MEI4: variants seen among roughly 807,000 people sequenced by gnomAD.
MEI4 encodes meiosis-specific protein MEI4.
A neutral mutation model predicts 31.4 loss-of-function variants in MEI4; 27 were observed. The observed-to-expected ratio is 0.86, with a 90% confidence interval of 0.63 to 1.19. MEI4 has a LOEUF of 1.19. MEI4 is among the 50% of genes most tolerant of loss of function. The probability of loss-of-function intolerance (pLI) is 0.00; values close to 1 mark genes in which losing one functional copy is unlikely to be tolerated. For missense variants in MEI4, 329 were observed against 398.9 expected, an observed-to-expected ratio of 0.82 and a Z score of 1.49; for synonymous variants, 122 against 145.4, an observed-to-expected ratio of 0.84 and a Z score of 1.16.
At chr6:77,861,477 C>A (rs1182243891) in intron 4 of MEI4, among the ~76,000 whole-genome samples, 1 of 152,008 alleles carries the variant, frequency 6.6e-6, no homozygotes, top group Non-Finnish European at 1.5e-5. Context: ...CTATTTATGT[C>A]AACATAGATT....
chr6:77,669,219 ATGTG>A (rs367921941), intron 1 of MEI4, among the ~76,000 whole-genome samples: 2 of 151,134 alleles, frequency 1.3e-5, no homozygotes, highest in African/African-American at 4.8e-5. Flanking sequence ...AAGAGGAAGC[ATGTG>A]TGTGTGTGTG....
intron 2 of MEI4, among the ~76,000 whole-genome samples, chr6:77,747,876 G>A (rs1582097378): frequency 6.6e-6 from 1 of 152,178 alleles, no homozygotes; most frequent in African/African-American, 2.4e-5. Flanking sequence ...TACAATGGGG[G>A]TACTGGTGTT....
In MEI4 at chr6:77,875,462, AT is replaced by A. The variant is rs1355521780; in HGVS notation, c.900+46401del. ...TTAACAATGGTTTTAGCTTTTTGCTATATTTGACATGATTGTAAAAGATATA... is the reference window on the plus strand; with the variant it reads ...TTAACAATGGTTTTAGCTTTTTGCTAATTTGACATGATTGTAAAAGATATA... On this transcript the variant is annotated intron_variant, in intron 4 of 4. Transcript: ENST00000684080. Among the ~76,000 whole-genome samples, 5 of 152,326 alleles carry A rather than the reference AT, an allele frequency of 3.3e-5. No individual in the cohort carries two copies. In the East Asian group the frequency reaches 9.6e-4, roughly 29 times the overall value.
intron 1 of MEI4, among the ~76,000 whole-genome samples, chr6:77,660,065 G>A (rs1011910296): frequency 6.6e-6 from 1 of 152,214 alleles, no homozygotes; most frequent in African/African-American, 2.4e-5. Flanking sequence ...GAGGGTAAAG[G>A]TGAGGGCTGT....
At chr6:77,793,665 G>A (rs1204119752) in intron 3 of MEI4, among the ~76,000 whole-genome samples, 1 of 152,152 alleles carries the variant, frequency 6.6e-6, no homozygotes, top group East Asian at 1.9e-4. Context: ...GAAAGAAGAG[G>A]TTAGAGGAGA....
intron 4 of MEI4, among the ~76,000 whole-genome samples, chr6:77,881,028 C>A (rs1358144221): frequency 6.6e-6 from 1 of 150,778 alleles, no homozygotes; most frequent in Non-Finnish European, 1.5e-5. Flanking sequence ...TAAACATGAC[C>A]TCATCTTTTT....
At chr6:77,679,086 AT>A (rs1432090337) in intron 1 of MEI4, among the ~76,000 whole-genome samples, 1 of 152,248 alleles carries the variant, frequency 6.6e-6, no homozygotes, top group African/African-American at 2.4e-5. Flanking sequence ...AGTTAAAAAA[AT>A]CTGAAATGTT....
chr6:77,667,302 A>G (rs1417094897), intron 1 of MEI4, among the ~76,000 whole-genome samples: 1 of 152,152 alleles, frequency 6.6e-6, no homozygotes, highest in East Asian at 1.9e-4. Context: ...ACCATGCCCC[A>G]TACTCCAGCT....
At chr6:77,788,357 C>A (rs1768807522) in intron 3 of MEI4, among the ~76,000 whole-genome samples, 1 of 152,134 alleles carries the variant, frequency 6.6e-6, no homozygotes, top group Non-Finnish European at 1.5e-5. Flanking sequence ...CAGGGATGCC[C>A]TCTCTCACCA....
chr6:77,819,935 A>G (rs912845216), intron 3 of MEI4, among the ~76,000 whole-genome samples: 4 of 152,076 alleles, frequency 2.6e-5, no homozygotes, highest in African/African-American at 9.7e-5. Flanking sequence ...TAGCTTTTAC[A>G]ATATCTTACT....
chr6:77,810,915 T>C (rs1200690523), intron 3 of MEI4, among the ~76,000 whole-genome samples: 1 of 152,166 alleles, frequency 6.6e-6, no homozygotes, highest in Non-Finnish European at 1.5e-5. Flanking sequence ...ATTAGATCTT[T>C]TGCTGTGAGC....
At position 77,925,761 on chromosome 6, in the gene MEI4, AAATATATGAT is replaced by A. The variant is rs938221458; in HGVS notation, c.*2423_*2432del. 79 of 148,570 alleles carry A rather than the reference AAATATATGAT, an allele frequency of 5.3e-4. 2 individuals carry two copies. Among genetic ancestry groups the A allele is most frequent in the African/African-American group, 1.4e-3 (59 of 40,854 alleles). 9.2% of individuals were successfully genotyped at this position (148,570 alleles called of 1,614,324 possible). On this transcript the variant is annotated 3_prime_UTR_variant, in exon 5 of 5. Transcript: ENST00000684080. ...TATACTATTTAATATAAGCTATAAT[AAATATATGAT>A]AATATATTTTATATGAGAGTAAATA...
intron 2 of MEI4, among the ~76,000 whole-genome samples, chr6:77,741,062 A>T (rs1444320824): frequency 6.6e-6 from 1 of 152,166 alleles, no homozygotes; most frequent in South Asian, 2.1e-4. Context: ...TTTCACAGAA[A>T]ATTTGAAGCA....
chr6:77,654,896 TTTTG>T (rs1768364683), intron 1 of MEI4, among the ~76,000 whole-genome samples: 1 of 152,202 alleles, frequency 6.6e-6, no homozygotes, highest in Non-Finnish European at 1.5e-5. Context: ...TATTTTTTTG[TTTTG>T]TTTTAGTTTT....
chr6:77,716,564 A>G (rs888926705), intron 2 of MEI4, among the ~76,000 whole-genome samples: 1 of 152,168 alleles, frequency 6.6e-6, no homozygotes, highest in African/African-American at 2.4e-5. Flanking sequence ...GAGTCCAGTT[A>G]AGAATTCATT....
At position 77,690,419 on chromosome 6, in the gene MEI4, C is replaced by A. The variant is rs142831832; in HGVS notation, c.-14-239C>A. ...TGTTTTTTCCATCCCAAGAAGTTGT[C>A]AAATTGTCTAAACCTACTATTGAAT... On this transcript the variant is annotated intron_variant, in intron 1 of 4. Coordinates refer to ENST00000684080, the MANE Select transcript of MEI4 (RefSeq NM_001322247.2). Among the ~76,000 whole-genome samples, 787 of 152,066 alleles carry A rather than the reference C, an allele frequency of 5.2e-3. 2 individuals are homozygous for A. Among genetic ancestry groups the A allele is most frequent in the Middle Eastern group, 0.017 (5 of 294 alleles).
chr6:77,703,149 C>A (rs571209743), intron 2 of MEI4, among the ~76,000 whole-genome samples: 1 of 152,168 alleles, frequency 6.6e-6, no homozygotes, highest in Admixed American at 6.5e-5. Context: ...CATGGAGGGA[C>A]ATGTTCGGTG....
At chr6:77,707,316 T>A (rs1766355088) in intron 2 of MEI4, among the ~76,000 whole-genome samples, 1 of 152,208 alleles carries the variant, frequency 6.6e-6, no homozygotes, top group Non-Finnish European at 1.5e-5. Context: ...AGTCATAATG[T>A]GCAGTATCTG....
At chr6:77,663,003 T>G (rs12524596) in intron 1 of MEI4, among the ~76,000 whole-genome samples, 12,276 of 146,152 alleles carry the variant, frequency 0.084, 429 homozygotes, top group East Asian at 0.22. Flanking sequence ...AGGCTGGGAT[T>G]AAGGGTGCAA....
Sources: gnomAD v4.1 joint callset for allele counts (sites outside exome capture counted in the v4.1 genomes callset) on GRCh38, gnomAD v4.1.1 for gene constraint, MANE v1.5 for transcripts, NCBI Gene and HGNC (gene_info 2026-07-23, HGNC 2026-07-21) for gene names.